Variants in SVEP1 observed in about 807,000 individuals in gnomAD.
SVEP1 encodes the protein sushi, von Willebrand factor type A, EGF and pentraxin domain containing 1.
Under a neutral mutation model 367.3 loss-of-function variants are expected in SVEP1, and 164 were observed. The observed-to-expected ratio is 0.45, with a 90% CI of 0.39 to 0.51. The LOEUF (loss-of-function observed/expected upper bound fraction) is 0.51, where lower values mean the gene tolerates loss of function less well. SVEP1 is among the 20% of genes least tolerant of loss of function. The pLI is 0.00. For synonymous variants in SVEP1, 1,666 were observed against 1,611.6 expected (o/e 1.03, Z -0.81); for missense variants, 4,117 against 4,425.3 (o/e 0.93, Z 1.98).
chr9:110,531,934 C>T (rs1356894552), intron 3 of SVEP1, among the ~76,000 whole-genome samples: 1 of 152,082 alleles, frequency 6.6e-6, no homozygotes, highest in Non-Finnish European at 1.5e-5. Context: ...TTAGCCACTT[C>T]CTATTGTTGA....
intron 3 of SVEP1, among the ~76,000 whole-genome samples, chr9:110,525,766 T>A (rs56413170): frequency 0.14 from 20,004 of 147,074 alleles, 1,662 homozygotes; most frequent in East Asian, 0.37. Flanking sequence ...CCTGGCTGAT[T>A]TTTTTTTTTT....
intron 32 of SVEP1, among the ~76,000 whole-genome samples, 155 bp from the exon 33 acceptor site, chr9:110,430,605 G>A (rs901557705): frequency 2.0e-5 from 3 of 152,182 alleles, no homozygotes; most frequent in Non-Finnish European, 2.9e-5. Context: ...AGACACATTG[G>A]ACATTAGACC....
Position 110,455,723 on chromosome 9 carries a change from C to T in SVEP1, c.3674-20G>A. 6.3e-7 allele frequency: 1 copy of T among 1,585,564 alleles called. No homozygotes were observed. The highest frequency in any genetic ancestry group is 8.6e-7 in the Non-Finnish European group (1 of 1,162,650). ...TTAAGCCTACAATGTAAACCAAATGCTGAGGGACAATCCAAGGATGGGATT... is the reference window on the plus strand; with the variant it reads ...TTAAGCCTACAATGTAAACCAAATGTTGAGGGACAATCCAAGGATGGGATT... On this transcript the variant is annotated intron_variant, in intron 21 of 47. Coordinates refer to ENST00000374469, the MANE Select transcript of SVEP1 (RefSeq NM_153366.4).
At chr9:110,552,324 C>T (rs1032833728) in intron 1 of SVEP1, among the ~76,000 whole-genome samples, 1 of 151,998 alleles carries the variant, frequency 6.6e-6, no homozygotes, top group African/African-American at 2.4e-5. Flanking sequence ...GCCACCACGC[C>T]CTGCCACATG....
At chr9:110,543,064 T>C (rs2118838350) in intron 3 of SVEP1, among the ~76,000 whole-genome samples, 1 of 151,802 alleles carries the variant, frequency 6.6e-6, no homozygotes, top group East Asian at 1.9e-4. Context: ...AAGATTTCTT[T>C]CTGCCTTTCT....
chr9:110,462,167 G>A (rs528752263), intron 18 of SVEP1, among the ~76,000 whole-genome samples: 14 of 151,976 alleles, frequency 9.2e-5, no homozygotes, highest in Non-Finnish European at 1.9e-4. Flanking sequence ...ATAATTTTCA[G>A]CACAAAGATG....
At chr9:110,524,829 C>T (rs1388916676) in intron 3 of SVEP1, among the ~76,000 whole-genome samples, 1 of 151,720 alleles carries the variant, frequency 6.6e-6, no homozygotes, top group Non-Finnish European at 1.5e-5. Context: ...CTCTTACCTT[C>T]GCTGCCCATG....
At chr9:110,503,734 T>C (rs1276032191) in intron 5 of SVEP1, among the ~76,000 whole-genome samples, 1 of 152,204 alleles carries the variant, frequency 6.6e-6, no homozygotes, top group Non-Finnish European at 1.5e-5. Context: ...TATTCTACTG[T>C]CCAACCCCAG....
rs1828677775 is a variant in SVEP1 at position 110,450,525 on chromosome 9, A to G, written c.3902-265T>C. 2.2e-5 allele frequency among the ~76,000 whole-genome samples: 3 copies of G among 137,258 alleles called. No individual in the cohort carries two copies. The South Asian group carries it at 7.0e-4, about 32-fold the overall frequency. The allele number at this position is 137,258 out of a possible 152,430, so 90.0% of individuals were successfully genotyped here. ...TGCTCTCTCTCCCAGTCTGGAGTAC[A>G]GTGGCGCGATCTCGGCTCACTGCAA... On this transcript the variant is annotated intron_variant, in intron 23 of 47. Coordinates refer to ENST00000374469, the MANE Select transcript of SVEP1 (RefSeq NM_153366.4).
intron 9 of SVEP1, among the ~76,000 whole-genome samples, chr9:110,486,543 C>G (rs1018133163): frequency 1.3e-5 from 2 of 152,058 alleles, no homozygotes; most frequent in African/African-American, 4.8e-5. Context: ...CTCTCTCTCT[C>G]TGTCCCTTTC....
chr9:110,432,434 A>C, intron 31 of SVEP1, 28 bp downstream of exon 31: 2 of 1,599,500 alleles, frequency 1.3e-6, no homozygotes, highest in Non-Finnish European at 1.7e-6. Context: ...GAATAATCTC[A>C]TATAGTAGTT....
At chr9:110,377,582 G>T (rs758119817) in intron 44 of SVEP1, among the ~76,000 whole-genome samples, 1 of 152,090 alleles carries the variant, frequency 6.6e-6, no homozygotes. Context: ...CTTTATTGAG[G>T]TGCAACAAAT....
chr9:110,473,032 G>C (rs1224930079), intron 14 of SVEP1, among the ~76,000 whole-genome samples: 1 of 152,162 alleles, frequency 6.6e-6, no homozygotes, highest in African/African-American at 2.4e-5. Flanking sequence ...TTACCTGATA[G>C]ATTTGTCTGT....
At chr9:110,380,869 T>C (rs1827422950) in intron 43 of SVEP1, among the ~76,000 whole-genome samples, 1 of 152,156 alleles carries the variant, frequency 6.6e-6, no homozygotes, top group African/African-American at 2.4e-5. Flanking sequence ...ATTTCAGAAC[T>C]AGTTATTGGT....
At chr9:110,522,936 T>A (rs1478891044) in intron 3 of SVEP1, among the ~76,000 whole-genome samples, 4 of 152,200 alleles carry the variant, frequency 2.6e-5, no homozygotes, top group Non-Finnish European at 4.4e-5. Flanking sequence ...ATACATAGGT[T>A]GCCTTTTCTA....
At chr9:110,379,161 C>G (rs1827396597) in intron 44 of SVEP1, among the ~76,000 whole-genome samples, 186 bp downstream of exon 44, 1 of 152,118 alleles carries the variant, frequency 6.6e-6, no homozygotes, top group South Asian at 2.1e-4. Flanking sequence ...AGCACAGAAC[C>G]TAAGAGTTCT....
chr9:110,400,033 T>A (rs1056370259), intron 40 of SVEP1, among the ~76,000 whole-genome samples: 5 of 152,220 alleles, frequency 3.3e-5, no homozygotes, highest in African/African-American at 4.8e-5. Context: ...GGGATTTTAA[T>A]ATTACAAAGC....
At chr9:110,404,300 C>T (rs756928689) in intron 39 of SVEP1, 27 bp downstream of exon 39, 138 of 1,603,208 alleles carry the variant, frequency 8.6e-5, no homozygotes, top group Non-Finnish European at 1.8e-5. Flanking sequence ...GTAGGCATTA[C>T]ACATTCTAAT....
At chr9:110,448,490 T>A (rs1372255655) in intron 24 of SVEP1, among the ~76,000 whole-genome samples, 1 of 152,204 alleles carries the variant, frequency 6.6e-6, no homozygotes, top group African/African-American at 2.4e-5. Flanking sequence ...CAGTTGGAAT[T>A]GAGGGATCTT....
Sources: gnomAD v4.1 joint callset for allele counts (sites outside exome capture counted in the v4.1 genomes callset) on GRCh38, gnomAD v4.1.1 for gene constraint, MANE v1.5 for transcripts, NCBI Gene and HGNC (gene_info 2026-07-23, HGNC 2026-07-21) for gene names.